EYA1: variants seen among roughly 807,000 people sequenced by gnomAD.
EYA1 encodes the protein protein phosphatase EYA1.
In EYA1, 16 loss-of-function variants were observed where a neutral mutation model predicts 82.0. The ratio of observed to expected loss-of-function variants is 0.20; its 90% confidence interval spans 0.13 to 0.30. The LOEUF (loss-of-function observed/expected upper bound fraction) is 0.30. EYA1 is among the 10% of genes least tolerant of loss of function. The pLI is 1.00. For synonymous variants in EYA1, 261 were observed against 264.4 expected, an observed-to-expected ratio of 0.99 and a Z score of 0.12; for missense variants, 633 against 730.7, an observed-to-expected ratio of 0.87 and a Z score of 1.54.
intron 2 of EYA1, among the ~76,000 whole-genome samples, chr8:71,448,070 C>T (rs1297248995): frequency 2.2e-5 from 3 of 136,000 alleles, no homozygotes; most frequent in African/African-American, 8.7e-5. Context: ...ATGATCTTGG[C>T]TCACTGCAAC....
At chr8:71,223,709 C>T (rs1810226140) in intron 12 of EYA1, among the ~76,000 whole-genome samples, 1 of 152,224 alleles carries the variant, frequency 6.6e-6, no homozygotes, top group Non-Finnish European at 1.5e-5. Context: ...GGCATCAAGA[C>T]TCAAGCTGAC....
intron 2 of EYA1, among the ~76,000 whole-genome samples, chr8:71,387,795 T>C (rs1829048879): frequency 1.3e-5 from 2 of 152,238 alleles, no homozygotes; most frequent in Non-Finnish European, 1.5e-5. Flanking sequence ...TGGGATAAAA[T>C]GCAAGCTGGA....
At chr8:71,257,176 T>A (rs1814543246) in intron 11 of EYA1, among the ~76,000 whole-genome samples, 2 of 152,108 alleles carry the variant, frequency 1.3e-5, no homozygotes, top group African/African-American at 4.8e-5. Flanking sequence ...ACAAATTAAA[T>A]AATGTGATAT....
chr8:71,252,825 T>C (rs1813911860), intron 11 of EYA1, among the ~76,000 whole-genome samples: 1 of 152,202 alleles, frequency 6.6e-6, no homozygotes. Flanking sequence ...GTGATTGCTT[T>C]AAGTTAGTCA....
intron 2 of EYA1, among the ~76,000 whole-genome samples, chr8:71,522,389 T>C (rs975253655): frequency 1.3e-5 from 2 of 152,186 alleles, no homozygotes; most frequent in Non-Finnish European, 2.9e-5. Context: ...GAGCTAAAGC[T>C]GTATATGTAA....
intron 12 of EYA1, among the ~76,000 whole-genome samples, chr8:71,234,262 T>C (rs1811566808): frequency 1.3e-5 from 2 of 152,194 alleles, no homozygotes; most frequent in South Asian, 4.1e-4. Flanking sequence ...CTAAATATCT[T>C]TTATTTAAAA....
At chr8:71,512,692 T>C (rs1043904245) in intron 2 of EYA1, among the ~76,000 whole-genome samples, 17 of 151,886 alleles carry the variant, frequency 1.1e-4, no homozygotes, top group African/African-American at 4.1e-4. Context: ...CTAAAAGGAA[T>C]CAATCAAGTA....
At chr8:71,351,132 C>T (rs1346737715) in intron 3 of EYA1, among the ~76,000 whole-genome samples, 1 of 151,988 alleles carries the variant, frequency 6.6e-6, no homozygotes, top group African/African-American at 2.4e-5. Flanking sequence ...AATTTCTATT[C>T]CATCTTGGCC....
At chr8:71,431,129 C>T (rs980214621) in intron 2 of EYA1, among the ~76,000 whole-genome samples, 3 of 152,150 alleles carry the variant, frequency 2.0e-5, no homozygotes, top group African/African-American at 7.2e-5. Flanking sequence ...AATCTATTAC[C>T]TATTTTTTGA....
At chr8:71,479,800 C>T (rs1036631636) in intron 2 of EYA1, among the ~76,000 whole-genome samples, 2 of 152,222 alleles carry the variant, frequency 1.3e-5, no homozygotes, top group South Asian at 4.1e-4. Context: ...TACCTGAACA[C>T]CACTCAACTG....
chr8:71,525,544 A>G (rs1403082156), intron 2 of EYA1, among the ~76,000 whole-genome samples: 1 of 152,212 alleles, frequency 6.6e-6, no homozygotes, highest in Non-Finnish European at 1.5e-5. Context: ...AATTTCATGT[A>G]TTCATGTACA....
intron 1 of EYA1, among the ~76,000 whole-genome samples, chr8:71,546,918 T>A (rs1815658301): frequency 6.6e-6 from 1 of 152,204 alleles, no homozygotes; most frequent in East Asian, 1.9e-4. Flanking sequence ...TACCTAGCAT[T>A]AGTCGGTCTT....
chr8:71,292,492 T>G (rs780143766), intron 9 of EYA1, among the ~76,000 whole-genome samples: 1 of 152,056 alleles, frequency 6.6e-6, no homozygotes, highest in Non-Finnish European at 1.5e-5. Flanking sequence ...AATTTTATTT[T>G]ATAGAGAGTG....
intron 1 of EYA1, among the ~76,000 whole-genome samples, chr8:71,547,295 A>G (rs1229426785): frequency 6.6e-6 from 1 of 152,144 alleles, no homozygotes; most frequent in Non-Finnish European, 1.5e-5. Flanking sequence ...GATGGCAATC[A>G]CAACATCATA....
intron 9 of EYA1, among the ~76,000 whole-genome samples, chr8:71,286,514 C>T (rs1008778344): frequency 5.3e-5 from 8 of 152,104 alleles, no homozygotes; most frequent in African/African-American, 1.9e-4. Context: ...TTTTAAGTGG[C>T]AGTGAGGTAA....
intron 2 of EYA1, chr8:71,404,620 A>C (rs2129130999): frequency 6.6e-6 from 1 of 152,320 alleles, no homozygotes; most frequent in African/African-American, 2.4e-5. Context: ...AATGATGTTA[A>C]GATTCAGAAA....
chr8:71,477,861 T>C (rs368068689), intron 2 of EYA1, among the ~76,000 whole-genome samples: 2 of 152,078 alleles, frequency 1.3e-5, no homozygotes, highest in Non-Finnish European at 2.9e-5. Flanking sequence ...AAATAAAACG[T>C]GGTACATTCA....
chr8:71,358,756 T>C (rs962730535), intron 1 of EYA1, among the ~76,000 whole-genome samples: 1 of 152,192 alleles, frequency 6.6e-6, no homozygotes, highest in Non-Finnish European at 1.5e-5. Flanking sequence ...CTGATTGCTG[T>C]TGATTTCCTC....
chr8:71,199,584 C>A (rs1233480656), intron 17 of EYA1, among the ~76,000 whole-genome samples, 164 bp from the exon 18 acceptor site: 1 of 152,198 alleles, frequency 6.6e-6, no homozygotes, highest in African/African-American at 2.4e-5. Context: ...CAAACTCAAT[C>A]CTCCCCTAAG....
Sources: allele counts gnomAD v4.1 joint callset (sites outside exome capture counted in the v4.1 genomes callset), GRCh38; gene constraint gnomAD v4.1.1; transcripts MANE v1.5; gene names NCBI Gene and HGNC (gene_info 2026-07-23, HGNC 2026-07-21).